The following ASTN1 variants were observed in gnomAD, a reference collection of about 807,000 sequenced individuals.
ASTN1 encodes the protein astrotactin 1, also known as astrotactin-1.
In ASTN1, 41 loss-of-function variants were observed where a neutral mutation model predicts 140.7. The observed-to-expected ratio is 0.29, with a 90% confidence interval of 0.23 to 0.38. The LOEUF is 0.38. Ranked by LOEUF, ASTN1 falls within the 10% of genes least tolerant of loss-of-function variation. The pLI, the probability that ASTN1 is intolerant of heterozygous loss-of-function variation, is 1.00. For synonymous variants in ASTN1, 640 were observed against 652.2 expected (o/e 0.98, Z 0.29); for missense variants, 1,479 against 1,678.8 (o/e 0.88, Z 2.08).
At position 176,995,906 on chromosome 1, in the gene ASTN1, G is replaced by C. The variant is rs542962883; in HGVS notation, c.1523+18885C>G. On this transcript the variant is annotated intron_variant, in intron 8 of 22. Transcript: ENST00000361833. ...AGGTGAGTCTGTGTACATGTGTAAGGGCAAATGTTGCAGTGATGAAGAGGA... is the reference window on the plus strand; with the variant it reads ...AGGTGAGTCTGTGTACATGTGTAAGCGCAAATGTTGCAGTGATGAAGAGGA... Among the ~76,000 whole-genome samples, 6 of 152,214 alleles carry C rather than the reference G, an allele frequency of 3.9e-5. No homozygotes were observed. The East Asian group carries it at 1.2e-3, about 30-fold the overall frequency.
chr1:177,043,446 T>C (rs1677069473), intron 2 of ASTN1, among the ~76,000 whole-genome samples: 1 of 152,206 alleles, frequency 6.6e-6, no homozygotes, highest in African/African-American at 2.4e-5. Context: ...ACCCAAAAGA[T>C]GACAACGGCC....
At chr1:176,857,886 A>G (rs1223090285), downstream of ASTN1, among the ~76,000 whole-genome samples, 1 of 152,212 alleles carries the variant, frequency 6.6e-6, no homozygotes. Flanking sequence ...CCACAGGGAC[A>G]GGGCGTGAGT....
intron 2 of ASTN1, among the ~76,000 whole-genome samples, chr1:177,045,137 T>C (rs948389994): frequency 6.6e-6 from 1 of 152,226 alleles, no homozygotes; most frequent in Non-Finnish European, 1.5e-5. Context: ...AAACCGACTT[T>C]GATTACTCTG....
At chr1:176,951,561 G>C (rs892262710) in intron 11 of ASTN1, among the ~76,000 whole-genome samples, 1 of 152,164 alleles carries the variant, frequency 6.6e-6, no homozygotes, top group Admixed American at 6.5e-5. Context: ...TCAGTCACTA[G>C]CCAGTAGTTT....
intron 16 of ASTN1, among the ~76,000 whole-genome samples, chr1:176,900,786 A>G (rs180876172): frequency 5.3e-5 from 8 of 152,330 alleles, no homozygotes; most frequent in Admixed American, 2.6e-4. Context: ...GGATATATTG[A>G]GTGCTTTCTA....
At position 176,943,875 on chromosome 1, in the gene ASTN1, G is replaced by A. The variant is rs774715477; in HGVS notation, c.2377+16C>T. The A allele has an allele frequency of 6.3e-7, 1 of 1,586,320 alleles. No individual in the cohort carries two copies. The highest frequency in any genetic ancestry group is 1.1e-5 in the South Asian group (1 of 87,538). On this transcript the variant is annotated intron_variant, in intron 14 of 22. Transcript: ENST00000361833. ...CTGTTTGTGCCAGTTGAATAAGGTTGAGAAGGCACACTCACCAGTCAGGAA... is the reference window on the plus strand; with the variant it reads ...CTGTTTGTGCCAGTTGAATAAGGTTAAGAAGGCACACTCACCAGTCAGGAA...
intron 1 of ASTN1, among the ~76,000 whole-genome samples, chr1:177,074,591 G>T (rs1240062978): frequency 3.3e-5 from 5 of 152,042 alleles, no homozygotes; most frequent in African/African-American, 1.2e-4. Context: ...CTCATCTGTT[G>T]TCATCAACTT....
chr1:177,031,033 A>C lies in ASTN1; in HGVS notation c.866-81T>G, dbSNP rs183302664. 3.3e-4 allele frequency: 483 copies of C among 1,452,602 alleles called. No homozygotes were observed. In the African/African-American group the frequency reaches 4.1e-3, roughly 12 times the overall value. The allele number at this position is 1,452,602 out of a possible 1,614,324, so 90.0% of individuals were successfully genotyped here. ...AGAAGAAGGAAATCTGCATAAACCA[A>C]GAAGATAAGGTCTCACAGAATTGAA... On this transcript the variant is annotated intron_variant, in intron 3 of 22. Coordinates refer to ENST00000361833, the MANE Select transcript of ASTN1 (RefSeq NM_004319.3).
intron 1 of ASTN1, among the ~76,000 whole-genome samples, chr1:177,128,845 C>A (rs958511082): frequency 6.6e-6 from 1 of 152,164 alleles, no homozygotes; most frequent in African/African-American, 2.4e-5. Context: ...GAGGAGATAG[C>A]AATCACTTAT....
intron 8 of ASTN1, among the ~76,000 whole-genome samples, chr1:176,983,952 C>A (rs1349320045): frequency 6.6e-6 from 1 of 152,180 alleles, no homozygotes; most frequent in Non-Finnish European, 1.5e-5. Context: ...AGATGCTGGG[C>A]CTGCCACTGT....
At chr1:177,053,300 T>C (rs1558061184) in intron 2 of ASTN1, among the ~76,000 whole-genome samples, 1 of 152,206 alleles carries the variant, frequency 6.6e-6, no homozygotes. Flanking sequence ...CAGCATCCTT[T>C]TGAAAATTTG....
chr1:176,974,083 T>C (rs1673257777), intron 8 of ASTN1, among the ~76,000 whole-genome samples: 1 of 152,236 alleles, frequency 6.6e-6, no homozygotes, highest in African/African-American at 2.4e-5. Context: ...TTTTTAATCA[T>C]TATTTTGGGT....
intron 1 of ASTN1, among the ~76,000 whole-genome samples, chr1:177,092,602 A>G (rs966554889): frequency 6.6e-6 from 1 of 152,166 alleles, no homozygotes; most frequent in Admixed American, 6.6e-5. Flanking sequence ...ATTTACACCT[A>G]TATTGTCTTC....
chr1:177,052,374 G>A (rs1423059091), intron 2 of ASTN1, among the ~76,000 whole-genome samples: 1 of 152,158 alleles, frequency 6.6e-6, no homozygotes, highest in East Asian at 1.9e-4. Context: ...ACGGGAAGTG[G>A]TTTATAAGAA....
chr1:176,963,891 C>T (rs940559785), intron 9 of ASTN1, among the ~76,000 whole-genome samples: 1 of 152,204 alleles, frequency 6.6e-6, no homozygotes, highest in African/African-American at 2.4e-5. Context: ...GCTGACATCT[C>T]TTGCAGCACA....
intron 7 of ASTN1, among the ~76,000 whole-genome samples, chr1:177,022,693 C>A (rs1339765678): frequency 2.0e-5 from 3 of 152,146 alleles, no homozygotes; most frequent in African/African-American, 7.2e-5. Flanking sequence ...ATGTGTCCAG[C>A]ATTTATGTGT....
intron 16 of ASTN1, among the ~76,000 whole-genome samples, chr1:176,921,121 T>A (rs1422706953): frequency 6.6e-6 from 1 of 152,250 alleles, no homozygotes; most frequent in Non-Finnish European, 1.5e-5. Flanking sequence ...TAGGGCCACA[T>A]TTGAAAATGA....
intron 1 of ASTN1, among the ~76,000 whole-genome samples, chr1:177,119,618 C>G (rs1386951992): frequency 6.6e-6 from 1 of 152,188 alleles, no homozygotes; most frequent in East Asian, 1.9e-4. Flanking sequence ...AACCTCTCAT[C>G]CTTCAAGCAA....
chr1:177,088,351 G>T (rs1328076940), intron 1 of ASTN1, among the ~76,000 whole-genome samples: 1 of 152,118 alleles, frequency 6.6e-6, no homozygotes, highest in Non-Finnish European at 1.5e-5. Context: ...AAGCTCTCTT[G>T]GTGCTCTGCA....
Sources: allele counts gnomAD v4.1 joint callset (sites outside exome capture counted in the v4.1 genomes callset), GRCh38; gene constraint gnomAD v4.1.1; transcripts MANE v1.5; gene names NCBI Gene and HGNC (gene_info 2026-07-23, HGNC 2026-07-21).